GRIK2: variants seen among roughly 807,000 people sequenced by gnomAD.
GRIK2 encodes glutamate ionotropic receptor kainate type subunit 2, also known as glutamate receptor ionotropic, kainate 2.
GRIK2 carries 32 observed loss-of-function variants against 100.3 expected under a neutral mutation model. The observed-to-expected ratio is 0.32, with a 90% CI of 0.24 to 0.43. The LOEUF is 0.43. Ranked by LOEUF, GRIK2 falls within the 20% of genes least tolerant of loss-of-function variation. GRIK2 has a pLI of 1.00. For synonymous variants in GRIK2, 417 were observed against 389.4 expected, an observed-to-expected ratio of 1.07 and a Z score of -0.83; for missense variants, 843 against 1,114.9, an observed-to-expected ratio of 0.76 and a Z score of 3.47.
At chr6:101,511,924 C>G (rs1292880989) in intron 2 of GRIK2, among the ~76,000 whole-genome samples, 1 of 151,814 alleles carries the variant, frequency 6.6e-6, no homozygotes, top group Non-Finnish European at 1.5e-5. Context: ...TATTGTTGTA[C>G]AGTAAAGCAG....
intron 4 of GRIK2, among the ~76,000 whole-genome samples, chr6:101,665,365 G>T (rs1044526901): frequency 3.9e-5 from 6 of 152,178 alleles, no homozygotes; most frequent in Non-Finnish European, 5.9e-5. Context: ...AAGACTGGTT[G>T]TTTGGAATCA....
At chr6:101,840,317 T>C (rs1314864513) in intron 10 of GRIK2, among the ~76,000 whole-genome samples, 4 of 152,246 alleles carry the variant, frequency 2.6e-5, no homozygotes, top group Non-Finnish European at 5.9e-5. Context: ...ATATGTCAGA[T>C]ACCTGCAACC....
chr6:101,833,649 A>C (rs1489139636), intron 10 of GRIK2, among the ~76,000 whole-genome samples: 1 of 152,136 alleles, frequency 6.6e-6, no homozygotes, highest in East Asian at 1.9e-4. Flanking sequence ...TAATCTACAG[A>C]GATTGTCATT....
chr6:101,751,433 G>T (rs1030731864), intron 7 of GRIK2, among the ~76,000 whole-genome samples: 1 of 151,832 alleles, frequency 6.6e-6, no homozygotes, highest in Admixed American at 6.6e-5. Flanking sequence ...GTAAATCCGA[G>T]ACATCACATC....
intron 11 of GRIK2, among the ~76,000 whole-genome samples, chr6:101,883,307 TAATA>T (rs1786391102): frequency 6.7e-6 from 1 of 148,402 alleles, no homozygotes; most frequent in Non-Finnish European, 1.5e-5. Flanking sequence ...ATAATAATAA[TAATA>T]ATAATAATAA....
At chr6:101,875,972 T>C (rs1373763341) in intron 11 of GRIK2, among the ~76,000 whole-genome samples, 2 of 151,514 alleles carry the variant, frequency 1.3e-5, no homozygotes, top group African/African-American at 4.9e-5. Context: ...AGTCCTGTTT[T>C]CTTCTAGAAT....
intron 14 of GRIK2, among the ~76,000 whole-genome samples, chr6:102,012,153 A>G (rs1478028050): frequency 5.3e-5 from 8 of 152,026 alleles, no homozygotes; most frequent in Admixed American, 3.9e-4. Context: ...TTAGGTGACT[A>G]TATTTATGTT....
intron 7 of GRIK2, among the ~76,000 whole-genome samples, chr6:101,721,110 A>G (rs1422407474): frequency 6.6e-6 from 1 of 152,070 alleles, no homozygotes; most frequent in African/African-American, 2.4e-5. Flanking sequence ...AATTTTTACA[A>G]TTCCTTTAAT....
intron 15 of GRIK2, among the ~76,000 whole-genome samples, chr6:102,045,566 G>A (rs761267421): frequency 6.6e-6 from 1 of 151,924 alleles, no homozygotes; most frequent in Admixed American, 6.6e-5. Flanking sequence ...AATGAGAGAA[G>A]AGAGGTTAAA....
chr6:101,444,582 G>A (rs1770259504), intron 2 of GRIK2, among the ~76,000 whole-genome samples: 1 of 151,952 alleles, frequency 6.6e-6, no homozygotes, highest in African/African-American at 2.4e-5. Flanking sequence ...CAATTTATAT[G>A]CAAAGTTCTC....
At chr6:101,448,986 A>C (rs1205480295) in intron 2 of GRIK2, among the ~76,000 whole-genome samples, 2 of 151,656 alleles carry the variant, frequency 1.3e-5, no homozygotes, top group Non-Finnish European at 3.0e-5. Context: ...AAAGATAAAA[A>C]GAAAGCAGAG....
intron 7 of GRIK2, among the ~76,000 whole-genome samples, chr6:101,686,703 C>T (rs531652623): frequency 4.0e-4 from 61 of 152,128 alleles, no homozygotes; most frequent in Middle Eastern, 3.4e-3. Flanking sequence ...TATCAATATA[C>T]GAATACTCTT....
chr6:101,824,353 T>A (rs979224261), intron 10 of GRIK2, among the ~76,000 whole-genome samples: 1 of 152,170 alleles, frequency 6.6e-6, no homozygotes. Context: ...TCTTCATAGC[T>A]TAGCTCCCAT....
At chr6:101,482,932 A>G (rs887261688) in intron 2 of GRIK2, among the ~76,000 whole-genome samples, 5 of 152,338 alleles carry the variant, frequency 3.3e-5, no homozygotes, top group African/African-American at 1.2e-4. Flanking sequence ...AACAAATTGT[A>G]CAATGTGAAA....
intron 16 of GRIK2, among the ~76,000 whole-genome samples, chr6:102,064,402 T>C (rs1451050167): frequency 8.3e-5 from 10 of 121,142 alleles, no homozygotes; most frequent in Non-Finnish European, 1.5e-4. Context: ...TCTCTCTCTC[T>C]CTCCCTCCCT....
chr6:101,512,735 G>C lies in GRIK2; in HGVS notation c.116-109214G>C, dbSNP rs113117274. 1.2e-3 allele frequency among the ~76,000 whole-genome samples: 184 copies of C among 151,752 alleles called. 3 individuals are homozygous for C. Among genetic ancestry groups the C allele is most frequent in the African/African-American group, 3.8e-3 (158 of 41,394 alleles). On this transcript the variant is annotated intron_variant, in intron 2 of 16. Coordinates refer to ENST00000369134, the MANE Select transcript of GRIK2 (RefSeq NM_021956.5). ...AAAATAATCAGCAAAGCTCTGTGTG[G>C]CATAAATGGCGTTTATGATCACCTA...
intron 7 of GRIK2, among the ~76,000 whole-genome samples, chr6:101,763,908 C>T (rs1024136402): frequency 3.3e-5 from 5 of 151,710 alleles, no homozygotes; most frequent in South Asian, 2.1e-4. Context: ...TAAATAGTAC[C>T]GGTGTTTGCA....
chr6:101,838,214 A>G (rs1419663193), intron 10 of GRIK2, among the ~76,000 whole-genome samples: 1 of 152,208 alleles, frequency 6.6e-6, no homozygotes, highest in Non-Finnish European at 1.5e-5. Context: ...CTTAAGCATA[A>G]AAGTACATAA....
chr6:101,891,087 AGG>A (rs1449115248), intron 12 of GRIK2, among the ~76,000 whole-genome samples: 1 of 151,550 alleles, frequency 6.6e-6, no homozygotes, highest in Non-Finnish European at 1.5e-5. Flanking sequence ...TTTATCAGTA[AGG>A]GTATTTGTAA....
Sources: allele counts gnomAD v4.1 joint callset (sites outside exome capture counted in the v4.1 genomes callset), GRCh38; gene constraint gnomAD v4.1.1; transcripts MANE v1.5; gene names NCBI Gene and HGNC (gene_info 2026-07-23, HGNC 2026-07-21).